The following ADGRD2 variants were observed in gnomAD, a reference collection of about 807,000 sequenced individuals.
The protein encoded by ADGRD2 is adhesion G protein-coupled receptor D2.
ADGRD2 carries 71 observed loss-of-function variants against 44.4 expected under a neutral mutation model. That is an observed-to-expected ratio of 1.60 (90% CI 1.32 to 1.95). The LOEUF is 1.95. ADGRD2 is among the 30% of genes most tolerant of loss of function. ADGRD2 has a pLI of 0.00. For missense variants in ADGRD2, 1,039 were observed against 512.4 expected (o/e 2.03, Z -9.92); for synonymous variants, 481 against 224.8 (o/e 2.14, Z -10.19).
chr9:124,467,848 C>G (rs890926972), intron 12 of ADGRD2, 24 bp downstream of exon 15: 2 of 718,048 alleles, frequency 2.8e-6, no homozygotes. Context: ...ACCACTGTAG[C>G]CTGGTGGCCT....
exon 11 of ADGRD2, chr9:124,466,276 C>T (rs1414830195): frequency 7.2e-6 from 5 of 691,804 alleles, no homozygotes; most frequent in Non-Finnish European, 1.4e-5. Context: ...GTTCCCTCCC[C>T]ATCCCCCAAG....
At position 124,454,957 on chromosome 9, in the gene ADGRD2, G is replaced by C. The variant is rs1564137821; in HGVS notation, c.1225G>C (p.Ala409Pro). The C allele has an allele frequency of 1.4e-6, 1 of 718,012 alleles. No homozygotes were observed. Among genetic ancestry groups the C allele is most frequent in the Non-Finnish European group, 2.6e-6 (1 of 385,104 alleles). The allele number at this position is 718,012 out of a possible 1,614,324, so 44.5% of individuals were successfully genotyped here. ...GATGGAGATGGCTCCCCTGGGGCCG[G>C]CCGCACTGCTGGCTGTTGTCCGCTT... is the stretch of plus-strand genomic sequence containing the variant. Residue 409 changes from alanine (A) to proline (P), a missense_variant, in exon 6 of 22, where the codon GCC (alanine) becomes CCC (proline). Ala to Pro is a conservative substitution (Grantham distance 27, BLOSUM62 -1). Coordinates refer to ENST00000334810, the Ensembl canonical transcript of ADGRD2. This position sits in a 1 kb window ranked among gnomAD's most constrained non-coding sequence, Gnocchi z 4.5.
exon 16 of ADGRD2, chr9:124,469,472 T>TGTC: frequency 1.4e-6 from 1 of 718,114 alleles, no homozygotes. Flanking sequence ...ATGATCACCG[T>TGTC]GTCCAGTGCC....
chr9:124,453,589 G>A (rs1209407051), exon 3 of ADGRD2: 1 of 700,344 alleles, frequency 1.4e-6, no homozygotes, highest in Non-Finnish European at 2.6e-6. Flanking sequence ...GCCGCCCTCA[G>A]AGGGCCTGCT....
exon 3 of ADGRD2, chr9:124,453,199 G>A (rs1416889924): frequency 1.2e-5 from 8 of 674,494 alleles, no homozygotes; most frequent in Admixed American, 6.5e-5. Context: ...TGCCGCGCCC[G>A]CGCTGCCCAA....
At chr9:124,465,536 G>T (rs1831803932) in intron 10 of ADGRD2, 1 of 152,154 alleles carries the variant, frequency 6.6e-6, no homozygotes, top group Admixed American at 6.5e-5. Context: ...ATTTTTAGTA[G>T]AGACAGGGTT....
At chr9:124,460,247 G>C (rs1432924994) in intron 10 of ADGRD2, among the ~76,000 whole-genome samples, 1 of 149,578 alleles carries the variant, frequency 6.7e-6, no homozygotes, top group Non-Finnish European at 1.5e-5. Context: ...TGTCACCCAG[G>C]CTGGAGTGCA....
chr9:124,458,401 G>A (rs1831658245), intron 9 of ADGRD2, among the ~76,000 whole-genome samples, 165 bp downstream of exon 12: 1 of 152,098 alleles, frequency 6.6e-6, no homozygotes, highest in South Asian at 2.1e-4. Flanking sequence ...AGGTGAACAC[G>A]GCTCAACTCC....
chr9:124,458,581 A>C, intron 9 of ADGRD2, 35 bp from the exon 13 acceptor site: 1 of 715,152 alleles, frequency 1.4e-6, no homozygotes, highest in Non-Finnish European at 2.6e-6. Flanking sequence ...TCCCTCCTCC[A>C]CAGCCACCCT....
intron 11 of ADGRD2, chr9:124,467,139 C>T (rs765521719): frequency 6.5e-6 from 1 of 152,972 alleles, no homozygotes; most frequent in Non-Finnish European, 1.5e-5. Context: ...TGGAGACCAT[C>T]CTGGCCAACA....
At chr9:124,460,437 T>C (rs994347625) in intron 10 of ADGRD2, among the ~76,000 whole-genome samples, 2 of 151,128 alleles carry the variant, frequency 1.3e-5, no homozygotes, top group Non-Finnish European at 2.9e-5. Context: ...AGGCTGGTCT[T>C]GAACTCCCTA....
Position 124,472,663 on chromosome 9 carries a change from C to T in ADGRD2, c.2758+2049C>T, listed in dbSNP as rs1018395570. The stretch of plus-strand genomic sequence containing the variant: ...CTGGGATTACAGGCACCTGCCACCA[C>T]GCCTGGATAATTTTCTTATTTTTAG... On this transcript the variant is annotated intron_variant, in intron 17 of 21. Transcript: ENST00000334810. Among the ~76,000 whole-genome samples, 8 of 152,204 alleles carry T rather than the reference C, an allele frequency of 5.3e-5. No homozygotes were observed. The South Asian group carries it at 1.0e-3, about 20-fold the overall frequency.
At position 124,454,834 on chromosome 9, in the gene ADGRD2, T is replaced by C; in HGVS notation, c.1109-9T>C. On this transcript the variant is annotated splice_polypyrimidine_tract_variant and intron_variant, in intron 5 of 21. Coordinates refer to ENST00000334810, the Ensembl canonical transcript of ADGRD2. This position sits in a 1 kb window ranked among gnomAD's most constrained non-coding sequence, Gnocchi z 4.5. ...CCAGACCCAGAGTCAGTGGCTCCTCTGTCCACAGCTCCTCCCGGACCCCCT... is the reference window on the plus strand; with the variant it reads ...CCAGACCCAGAGTCAGTGGCTCCTCCGTCCACAGCTCCTCCCGGACCCCCT... 1.5e-6 allele frequency: 1 copy of C among 684,246 alleles called. No homozygotes were observed. The highest frequency in any genetic ancestry group is 2.7e-6 in the Non-Finnish European group (1 of 370,888). The allele number at this position is 684,246 out of a possible 1,614,324, so 42.4% of individuals were successfully genotyped here. A position where few individuals can be genotyped will look rare whatever the true frequency, so the allele number is the denominator to read the frequency against.
exon 17 of ADGRD2, chr9:124,470,517 T>C: frequency 2.8e-6 from 2 of 711,300 alleles, no homozygotes; most frequent in Non-Finnish European, 5.2e-6. Flanking sequence ...CCCGTGCTGG[T>C]CCTGCTGCCC....
In ADGRD2 at chr9:124,454,457, C is replaced by T; in HGVS notation, c.1023-27C>T. The T allele has an allele frequency of 1.4e-6, 1 of 700,400 alleles. No individual in the cohort carries two copies. The highest frequency in any genetic ancestry group is 2.7e-5 in the East Asian group (1 of 36,720). The allele number at this position is 700,400 out of a possible 1,614,324, so 43.4% of individuals were successfully genotyped here. ...CTCTGGGCAGGGGTATTGCCCGGGG[C>T]CTAGCCTGGCATCCACTCCTTTGCA... On this transcript the variant is annotated intron_variant, in intron 4 of 21. Transcript: ENST00000334810. The surrounding 1 kb of genome is among the most constrained non-coding windows in gnomAD (Gnocchi z 4.5).
At chr9:124,476,492 A>G (rs2131263669) in intron 20 of ADGRD2, 77 bp downstream of exon 23, 1 of 675,488 alleles carries the variant, frequency 1.5e-6, no homozygotes, top group East Asian at 2.7e-5. Context: ...TCGGGAAGCC[A>G]CAGGGCCTGG....
upstream of ADGRD2, chr9:124,451,217 G>C (rs543313198): frequency 1.1e-5 from 5 of 471,820 alleles, no homozygotes; most frequent in South Asian, 6.2e-5. Context: ...CAGAGAACTC[G>C]GCAGAGGCCT....
intron 17 of ADGRD2, among the ~76,000 whole-genome samples, chr9:124,472,497 G>GT (rs370471290): frequency 0.011 from 11 of 974 alleles, no homozygotes; most frequent in East Asian, 0.028. Flanking sequence ...TTTTGTTTTT[G>GT]TTTTGTTTTG....
intron 10 of ADGRD2, among the ~76,000 whole-genome samples, chr9:124,460,296 G>A (rs113654716): frequency 1.1e-4 from 16 of 149,280 alleles, no homozygotes; most frequent in African/African-American, 3.5e-4. Flanking sequence ...TCCGCCCCCC[G>A]GGTCCAAGCC....
Sources: gnomAD v4.1 joint callset for allele counts (sites outside exome capture counted in the v4.1 genomes callset) on GRCh38, gnomAD v4.1.1 for gene constraint, Gnocchi (gnomAD v3.1) non-coding constraint, MANE v1.5 for transcripts, NCBI Gene and HGNC (gene_info 2026-07-23, HGNC 2026-07-21) for gene names.